The following TENM4 variants were observed in gnomAD, a reference collection of about 807,000 sequenced individuals.
TENM4 encodes the protein teneurin transmembrane protein 4, also known as teneurin-4.
In TENM4, 82 loss-of-function variants were observed where a neutral mutation model predicts 243.3. That is an observed-to-expected ratio of 0.34 (90% CI 0.28 to 0.40). The LOEUF (loss-of-function observed/expected upper bound fraction) is 0.40, where lower values mean the gene tolerates loss of function less well. Ranked by LOEUF, TENM4 falls within the 10% of genes least tolerant of loss-of-function variation. The pLI is 1.00. For synonymous variants in TENM4, 1,412 were observed against 1,456.3 expected, an observed-to-expected ratio of 0.97 and a Z score of 0.69; for missense variants, 3,138 against 3,673.3, an observed-to-expected ratio of 0.85 and a Z score of 3.77.
chr11:79,378,273 C>G (rs1267055053), intron 1 of TENM4, among the ~76,000 whole-genome samples: 1 of 152,164 alleles, frequency 6.6e-6, no homozygotes, highest in Non-Finnish European at 1.5e-5. Context: ...CTGTAGGGGC[C>G]AATGGAGTAG....
At chr11:78,677,840 G>A (rs888344476) in intron 29 of TENM4, among the ~76,000 whole-genome samples, 8 of 143,352 alleles carry the variant, frequency 5.6e-5, no homozygotes, top group African/African-American at 2.1e-4. Flanking sequence ...AGTTACATAT[G>A]TATACATGTG....
chr11:79,104,026 T>C (rs748574618), intron 4 of TENM4, among the ~76,000 whole-genome samples: 33 of 152,184 alleles, frequency 2.2e-4, no homozygotes, highest in Non-Finnish European at 2.5e-4. Context: ...AACACCCCTA[T>C]CCCAGATTTC....
At chr11:79,389,033 T>G (rs1858175035) in intron 1 of TENM4, among the ~76,000 whole-genome samples, 1 of 152,172 alleles carries the variant, frequency 6.6e-6, no homozygotes, top group Non-Finnish European at 1.5e-5. Context: ...TCAGGGAAGG[T>G]TCTTGGCCTC....
At chr11:78,710,664 T>A (rs1218577484) in intron 26 of TENM4, among the ~76,000 whole-genome samples, 1 of 152,264 alleles carries the variant, frequency 6.6e-6, no homozygotes, top group Non-Finnish European at 1.5e-5. Context: ...CACAGGCTAA[T>A]AGAAGTGATC....
intron 1 of TENM4, among the ~76,000 whole-genome samples, chr11:79,348,383 C>T (rs1028720325): frequency 1.3e-5 from 2 of 152,172 alleles, no homozygotes; most frequent in African/African-American, 4.8e-5. Context: ...GTATCCCATA[C>T]CAAAACACAG....
intron 6 of TENM4, chr11:79,021,705 GC>G (rs1194227169): frequency 6.6e-6 from 1 of 152,196 alleles, no homozygotes; most frequent in Non-Finnish European, 1.5e-5. Context: ...TAAATGGGGT[GC>G]CCACTGCCAC....
intron 6 of TENM4, among the ~76,000 whole-genome samples, chr11:78,985,603 A>G (rs1857898612): frequency 6.6e-6 from 1 of 152,082 alleles, no homozygotes; most frequent in Non-Finnish European, 1.5e-5. Context: ...ATCTTTGTAC[A>G]TTTTTTGTGT....
chr11:79,405,785 C>A (rs1858553947), intron 1 of TENM4, among the ~76,000 whole-genome samples: 1 of 134,908 alleles, frequency 7.4e-6, no homozygotes, highest in Non-Finnish European at 1.5e-5. Flanking sequence ...ATGATTTACG[C>A]ATATAAAAAT....
At chr11:78,694,503 T>C (rs1296005087) in intron 28 of TENM4, among the ~76,000 whole-genome samples, 2 of 152,222 alleles carry the variant, frequency 1.3e-5, no homozygotes, top group African/African-American at 4.8e-5. Context: ...CCCTCAGGAT[T>C]CCCAAGATCT....
chr11:79,140,296 T>C (rs1280382314), intron 4 of TENM4, among the ~76,000 whole-genome samples: 1 of 152,114 alleles, frequency 6.6e-6, no homozygotes, highest in Non-Finnish European at 1.5e-5. Context: ...TTTGAAGACA[T>C]ACCATCCCCT....
chr11:79,295,695 T>C (rs1371183839), intron 2 of TENM4, among the ~76,000 whole-genome samples: 1 of 152,024 alleles, frequency 6.6e-6, no homozygotes, highest in African/African-American at 2.4e-5. Context: ...GAGACCAATA[T>C]GAATAGCAGG....
rs56973257 is a variant in TENM4 at position 78,942,259 on chromosome 11, C to CAAAAAAAAAAA, written c.494-38747_494-38737dup. On this transcript the variant is annotated intron_variant, in intron 6 of 33. Coordinates refer to ENST00000278550, the MANE Select transcript of TENM4 (RefSeq NM_001098816.3). ...TGAAACCCATCTCTACAAAATACAC[C>CAAAAAAAAAAA]AAAAAAAAAAAAAAAAAAAAAAAAA... Among the ~76,000 whole-genome samples the CAAAAAAAAAAA allele has an allele frequency of 7.1e-4, 8 of 11,218 alleles. 3 individuals are homozygous for CAAAAAAAAAAA. Among genetic ancestry groups the CAAAAAAAAAAA allele is most frequent in the Non-Finnish European group, 1.2e-3 (7 of 5,974 alleles). The allele number at this position is 11,218 out of a possible 152,430, so 7.4% of individuals were successfully genotyped here. A position where few individuals can be genotyped will look rare whatever the true frequency, so the allele number is the denominator to read the frequency against.
At chr11:78,828,411 T>C (rs1481126891) in intron 12 of TENM4, among the ~76,000 whole-genome samples, 1 of 152,248 alleles carries the variant, frequency 6.6e-6, no homozygotes, top group African/African-American at 2.4e-5. Flanking sequence ...ATCTGTGAAT[T>C]ATGTACTTAA....
intron 2 of TENM4, among the ~76,000 whole-genome samples, chr11:79,244,879 C>A (rs1222916009): frequency 6.6e-6 from 1 of 152,148 alleles, no homozygotes; most frequent in African/African-American, 2.4e-5. Context: ...TGAAGGAAGA[C>A]AGAGCCCAAA....
intron 1 of TENM4, among the ~76,000 whole-genome samples, chr11:79,348,399 A>G (rs11237796): frequency 0.16 from 24,685 of 152,182 alleles, 2,089 homozygotes; most frequent in Non-Finnish European, 0.2. Context: ...CACAGGGATC[A>G]TACAAGATGC....
intron 6 of TENM4, among the ~76,000 whole-genome samples, chr11:78,997,756 T>TTGAATGTA (rs1479728694): frequency 6.6e-6 from 1 of 152,154 alleles, no homozygotes; most frequent in Non-Finnish European, 1.5e-5. Flanking sequence ...CTATTATGGG[T>TTGAATGTA]TGAATGTATG....
intron 19 of TENM4, among the ~76,000 whole-genome samples, chr11:78,745,669 T>C (rs1278411479): frequency 6.6e-6 from 1 of 152,226 alleles, no homozygotes; most frequent in Non-Finnish European, 1.5e-5. Flanking sequence ...AAACCAGTCT[T>C]GCTTTCTTAT....
At chr11:79,174,046 A>G (rs950693856) in intron 3 of TENM4, among the ~76,000 whole-genome samples, 1 of 152,216 alleles carries the variant, frequency 6.6e-6, no homozygotes, top group Admixed American at 6.5e-5. Context: ...TTTTCTATTG[A>G]CATCACATAA....
intron 6 of TENM4, among the ~76,000 whole-genome samples, chr11:78,991,106 T>C (rs1858032449): frequency 6.6e-6 from 1 of 152,186 alleles, no homozygotes; most frequent in African/African-American, 2.4e-5. Flanking sequence ...TGTGGAGCTG[T>C]GTGCAGCTTG....
Sources: gnomAD v4.1 joint callset for allele counts (sites outside exome capture counted in the v4.1 genomes callset) on GRCh38, gnomAD v4.1.1 for gene constraint, MANE v1.5 for transcripts, NCBI Gene and HGNC (gene_info 2026-07-23, HGNC 2026-07-21) for gene names.